The following TULP4 variants were observed in gnomAD, a reference collection of about 807,000 sequenced individuals.
TULP4 encodes the protein tubby-related protein 4.
TULP4 carries 16 observed loss-of-function variants against 129.0 expected under a neutral mutation model. The observed-to-expected ratio is 0.12, with a 90% confidence interval of 0.08 to 0.19. The LOEUF is 0.19. Ranked by LOEUF, TULP4 falls within the 10% of genes least tolerant of loss-of-function variation. The pLI, the probability that TULP4 is intolerant of heterozygous loss-of-function variation, is 1.00. For missense variants in TULP4, 1,842 were observed against 2,059.1 expected, an observed-to-expected ratio of 0.89 and a Z score of 2.04; for synonymous variants, 998 against 854.0, an observed-to-expected ratio of 1.17 and a Z score of -2.94.
At position 158,493,677 on chromosome 6, in the gene TULP4, G is replaced by C. The variant is rs1780265848; in HGVS notation, c.1736G>C (p.Ser579Thr). The change falls in exon 10 of 14, where the codon AGC (serine) becomes ACC (threonine). Residue 579 changes from serine to threonine, a missense_variant. Ser to Thr is a moderately conservative substitution (Grantham distance 58). Around this residue, in one of 5 missense-constraint regions of TULP4, gnomAD observed 456 missense variants for 534.3 expected, o/e 0.85. Coordinates refer to ENST00000367097, the MANE Select transcript of TULP4 (RefSeq NM_020245.5). The surrounding 1 kb of genome is among the most constrained non-coding windows in gnomAD (Gnocchi z 4.4). ...PLRKPSVGSP[S>T]LTRREFPFED... ...CGCAAGCCCTCTGTGGGCTCGCCCA[G>C]CCTGACTCGGAGAGAGTTTCCTTTT... 1.3e-6 allele frequency: 2 copies of C among 1,595,054 alleles called. No individual in the cohort carries two copies. The highest frequency in any genetic ancestry group is 8.5e-7 in the Non-Finnish European group (1 of 1,171,074).
At chr6:158,237,418 C>T (rs531169734) in intron 1 of TULP4, 1 of 1,602,078 alleles carries the variant, frequency 6.2e-7, no homozygotes, top group Non-Finnish European at 8.5e-7. Context: ...TCTCTGGTGT[C>T]TTGGGGGTAT....
intron 1 of TULP4, among the ~76,000 whole-genome samples, chr6:158,379,908 T>TA (rs1562542399): frequency 1.3e-5 from 2 of 152,204 alleles, no homozygotes; most frequent in Middle Eastern, 3.4e-3. Context: ...GGCTGAAGAT[T>TA]AAAAACCGGG....
intron 11 of TULP4, among the ~76,000 whole-genome samples, chr6:158,495,356 A>C (rs533382176): frequency 6.6e-6 from 1 of 152,320 alleles, no homozygotes; most frequent in South Asian, 2.1e-4. Flanking sequence ...CCTGGTCGCC[A>C]GCGGGATTTT....
At chr6:158,406,965 C>T (rs1777988651) in intron 1 of TULP4, among the ~76,000 whole-genome samples, 1 of 152,204 alleles carries the variant, frequency 6.6e-6, no homozygotes, top group Non-Finnish European at 1.5e-5. Context: ...GATTCCAGGG[C>T]TTTGACCACA....
intron 1 of TULP4, among the ~76,000 whole-genome samples, chr6:158,234,088 A>G (rs980338860): frequency 6.6e-6 from 1 of 152,188 alleles, no homozygotes; most frequent in Non-Finnish European, 1.5e-5. Flanking sequence ...AGAAATACGA[A>G]CTTTATGCAT....
chr6:158,449,411 A>G (rs1779120008), intron 4 of TULP4, among the ~76,000 whole-genome samples: 1 of 152,074 alleles, frequency 6.6e-6, no homozygotes, highest in African/African-American at 2.4e-5. Context: ...GATTACACTT[A>G]ATTCGCTTAG....
intron 6 of TULP4, among the ~76,000 whole-genome samples, chr6:158,466,121 T>C (rs1054851067): frequency 2.0e-5 from 3 of 152,190 alleles, no homozygotes; most frequent in African/African-American, 7.2e-5. Flanking sequence ...ATTTTAACAT[T>C]TACTCAGGTC....
At chr6:158,483,128 G>A (rs534622830) in intron 8 of TULP4, among the ~76,000 whole-genome samples, 10 of 152,272 alleles carry the variant, frequency 6.6e-5, no homozygotes, top group Admixed American at 2.0e-4. Flanking sequence ...TGCTTTTAAG[G>A]AGTTTCTAAA....
At chr6:158,309,014 G>A (rs757550334), upstream of TULP4, among the ~76,000 whole-genome samples, 951 of 145,058 alleles carry the variant, frequency 6.6e-3, 9 homozygotes, top group African/African-American at 0.022. Context: ...CGGACAGGGC[G>A]GCTGGCCTGG....
At chr6:158,423,180 A>G (rs559668245) in intron 2 of TULP4, among the ~76,000 whole-genome samples, 61 of 152,152 alleles carry the variant, frequency 4.0e-4, no homozygotes, top group Non-Finnish European at 7.9e-4. Flanking sequence ...TCTGCCTACA[A>G]TAATAACTCC....
rs1010574365 is a variant in TULP4, at chr6:158,342,930, G to A, written c.252+28662G>A. On this transcript the variant is annotated intron_variant, in intron 1 of 13. Transcript: ENST00000367097. ...CACTGCTAGGCTTCCTATAGTGAAC[G>A]ATGAGATTAAAAATAAATGTGTGTG... 4.3e-5 allele frequency among the ~76,000 whole-genome samples: 6 copies of A among 140,936 alleles called. No homozygotes were observed. The East Asian group carries it at 6.2e-4, about 15-fold the overall frequency. 92.5% of individuals were successfully genotyped at this position (140,936 alleles called of 152,430 possible). A position where few individuals can be genotyped will look rare whatever the true frequency, so the allele number is the denominator to read the frequency against.
chr6:158,384,482 G>A (rs1359300358), intron 1 of TULP4, among the ~76,000 whole-genome samples: 1 of 151,966 alleles, frequency 6.6e-6, no homozygotes, highest in African/African-American at 2.4e-5. Context: ...TAGAGACGGG[G>A]TTTCACTGTG....
At chr6:158,456,461 ATTC>A (rs1238253653) in intron 5 of TULP4, among the ~76,000 whole-genome samples, 3 of 150,662 alleles carry the variant, frequency 2.0e-5, no homozygotes, top group East Asian at 3.9e-4. Flanking sequence ...GCCCAAGACA[ATTC>A]TTCTTCTTCC....
At chr6:158,396,549 G>T (rs1215984600) in intron 1 of TULP4, among the ~76,000 whole-genome samples, 2 of 152,054 alleles carry the variant, frequency 1.3e-5, no homozygotes. Flanking sequence ...TTGATCCTCA[G>T]AAAATATACC....
chr6:158,312,309 T>C, upstream of TULP4: 2 of 393,510 alleles, frequency 5.1e-6, no homozygotes, highest in Non-Finnish European at 8.9e-6. Flanking sequence ...GGGAGAAAAA[T>C]ACATCACTAA....
intron 1 of TULP4, among the ~76,000 whole-genome samples, chr6:158,360,746 A>T (rs567262055): frequency 6.6e-6 from 1 of 152,224 alleles, no homozygotes; most frequent in Non-Finnish European, 1.5e-5. Context: ...GTATGCAAGT[A>T]AGAAGCCCTG....
intron 5 of TULP4, among the ~76,000 whole-genome samples, chr6:158,459,087 A>T (rs1313578852): frequency 6.6e-6 from 1 of 152,180 alleles, no homozygotes. Flanking sequence ...TGAAAGAGTG[A>T]TTCGCCTTTG....
At chr6:158,331,952 A>C (rs975573466) in intron 1 of TULP4, among the ~76,000 whole-genome samples, 2 of 148,132 alleles carry the variant, frequency 1.4e-5, no homozygotes, top group African/African-American at 4.9e-5. Flanking sequence ...TGGGCGGATT[A>C]CCCGAGGTCA....
chr6:158,422,017 T>C (rs1041167171), intron 2 of TULP4, among the ~76,000 whole-genome samples: 3 of 136,258 alleles, frequency 2.2e-5, no homozygotes, highest in South Asian at 2.1e-4. Flanking sequence ...TAATTACTTA[T>C]ATTAGCAATA....
Sources: gnomAD v4.1 joint callset for allele counts (sites outside exome capture counted in the v4.1 genomes callset) on GRCh38, gnomAD v4.1.1 for gene constraint, gnomAD v4.1.1 regional missense constraint, Gnocchi (gnomAD v3.1) non-coding constraint, MANE v1.5 for transcripts, NCBI Gene and HGNC (gene_info 2026-07-23, HGNC 2026-07-21) for gene names.